ANTXR1: variants seen among roughly 807,000 people sequenced by gnomAD.
ANTXR1 encodes the protein anthrax toxin receptor 1.
Under a neutral mutation model 78.1 loss-of-function variants are expected in ANTXR1, and 19 were observed. The observed-to-expected ratio is 0.24, with a 90% CI of 0.17 to 0.36. The LOEUF (loss-of-function observed/expected upper bound fraction) is 0.36, where lower values mean the gene tolerates loss of function less well. ANTXR1 is among the 10% of genes least tolerant of loss of function. The pLI, the probability that ANTXR1 is intolerant of heterozygous loss-of-function variation, is 1.00. For synonymous variants in ANTXR1, 273 were observed against 260.5 expected (o/e 1.05, Z -0.46); for missense variants, 518 against 718.6 (o/e 0.72, Z 3.19).
At chr2:69,172,589 G>C (rs1674019532) in intron 14 of ANTXR1, 1 of 1,245,356 alleles carries the variant, frequency 8.0e-7, no homozygotes, top group Admixed American at 3.8e-5. Context: ...AAGACCTTCA[G>C]TATTATTTAT....
chr2:69,235,134 C>T (rs957608765), intron 17 of ANTXR1, among the ~76,000 whole-genome samples: 2 of 151,072 alleles, frequency 1.3e-5, no homozygotes, highest in Admixed American at 1.3e-4. Context: ...AGCGATTCTC[C>T]TGCCTCAGCC....
In ANTXR1 at chr2:69,143,504, A is replaced by G. The variant is rs138948766; in HGVS notation, c.952-8665A>G. Among the ~76,000 whole-genome samples, 230 of 152,310 alleles carry G rather than the reference A, an allele frequency of 1.5e-3. 1 individual carries two copies. The highest frequency in any genetic ancestry group is 5.1e-3 in the African/African-American group (214 of 41,572). Reference sequence around the variant, plus strand: ...TCAATAGGACCTACTGGACAATTGAATGGTCCTGAATACAACCCTGAAGAA... The same window carrying G: ...TCAATAGGACCTACTGGACAATTGAGTGGTCCTGAATACAACCCTGAAGAA... On this transcript the variant is annotated intron_variant, in intron 12 of 17. Coordinates refer to ENST00000303714, the MANE Select transcript of ANTXR1 (RefSeq NM_032208.3).
chr2:69,167,365 G>T (rs1215098416), intron 13 of ANTXR1, among the ~76,000 whole-genome samples: 2 of 152,238 alleles, frequency 1.3e-5, no homozygotes, highest in African/African-American at 4.8e-5. Context: ...GAGCAATGCA[G>T]GCTTTTGCCC....
intron 12 of ANTXR1, among the ~76,000 whole-genome samples, chr2:69,127,903 C>G (rs1176660465): frequency 6.6e-6 from 1 of 152,080 alleles, no homozygotes; most frequent in Non-Finnish European, 1.5e-5. Flanking sequence ...ATCAGTTTTG[C>G]TGTGTACTGG....
intron 13 of ANTXR1, among the ~76,000 whole-genome samples, chr2:69,164,264 G>T (rs575961731): frequency 6.6e-6 from 1 of 152,154 alleles, no homozygotes; most frequent in Admixed American, 6.5e-5. Context: ...TTCCCATGAC[G>T]CAATGCATCC....
At chr2:69,022,246 C>T (rs576243268) in intron 1 of ANTXR1, among the ~76,000 whole-genome samples, 3 of 152,280 alleles carry the variant, frequency 2.0e-5, no homozygotes, top group Non-Finnish European at 4.4e-5. Context: ...TATCTGGGCT[C>T]CTACTAGTGC....
At chr2:69,110,611 C>T (rs1050703349) in intron 10 of ANTXR1, among the ~76,000 whole-genome samples, 1 of 152,068 alleles carries the variant, frequency 6.6e-6, no homozygotes, top group African/African-American at 2.4e-5. Context: ...GTAATCCCAG[C>T]ACTTTGGGAG....
intron 3 of ANTXR1, among the ~76,000 whole-genome samples, chr2:69,069,321 G>A (rs1039415674): frequency 6.6e-5 from 10 of 152,200 alleles, no homozygotes; most frequent in African/African-American, 2.4e-4. Context: ...AGGTAAGAGT[G>A]GCCTTGGGTA....
At chr2:69,040,343 A>G (rs1472438206) in intron 2 of ANTXR1, among the ~76,000 whole-genome samples, 1 of 152,240 alleles carries the variant, frequency 6.6e-6, no homozygotes, top group Non-Finnish European at 1.5e-5. Flanking sequence ...TACGAGACCA[A>G]AAATATTTAG....
chr2:69,202,946 T>A (rs1674810672), intron 17 of ANTXR1, among the ~76,000 whole-genome samples: 3 of 152,248 alleles, frequency 2.0e-5, no homozygotes, highest in African/African-American at 7.2e-5. Context: ...TTCAGAGAAT[T>A]TTAATTACCT....
chr2:69,227,256 C>G (rs1171470911), intron 17 of ANTXR1, among the ~76,000 whole-genome samples: 1 of 152,160 alleles, frequency 6.6e-6, no homozygotes, highest in Non-Finnish European at 1.5e-5. Flanking sequence ...ATCTGAGAGG[C>G]ACTCTGGCAG....
At chr2:69,060,354 C>T (rs1029275595) in intron 3 of ANTXR1, among the ~76,000 whole-genome samples, 3 of 152,108 alleles carry the variant, frequency 2.0e-5, no homozygotes, top group Non-Finnish European at 2.9e-5. Context: ...ATTTCCATCC[C>T]GAGTCTGTCT....
At position 69,037,220 on chromosome 2, in the gene ANTXR1, G is replaced by T. The variant is rs149138016; in HGVS notation, c.153-2824G>T. 2.0e-3 allele frequency among the ~76,000 whole-genome samples: 299 copies of T among 152,332 alleles called. 15 individuals are homozygous for T. The East Asian group carries it at 0.046, about 24-fold the overall frequency. ...AGGCAGAATAGTTGAGGTTCAGTTGGCAAAAGATCAGGAAGCTTCCATGAG... is the reference window on the plus strand; with the variant it reads ...AGGCAGAATAGTTGAGGTTCAGTTGTCAAAAGATCAGGAAGCTTCCATGAG... On this transcript the variant is annotated intron_variant, in intron 1 of 17. Coordinates refer to ENST00000303714, the MANE Select transcript of ANTXR1 (RefSeq NM_032208.3).
At chr2:69,192,296 T>A (rs948402974) in intron 16 of ANTXR1, among the ~76,000 whole-genome samples, 11 of 152,224 alleles carry the variant, frequency 7.2e-5, no homozygotes, top group African/African-American at 2.7e-4. Flanking sequence ...TTGGCAGAGC[T>A]GTTTTCCTTT....
intron 8 of ANTXR1, among the ~76,000 whole-genome samples, chr2:69,084,558 G>A (rs972271549): frequency 1.3e-5 from 2 of 150,378 alleles, no homozygotes; most frequent in African/African-American, 2.4e-5. Context: ...CCAGAAATAC[G>A]TGTGTATAAT....
chr2:69,129,533 C>G (rs1014408898), intron 12 of ANTXR1, among the ~76,000 whole-genome samples: 1 of 152,078 alleles, frequency 6.6e-6, no homozygotes, highest in African/African-American at 2.4e-5. Flanking sequence ...GCGGGCAGTT[C>G]ACAAGGTCAA....
chr2:69,164,819 G>A (rs1673782826), intron 13 of ANTXR1, among the ~76,000 whole-genome samples: 1 of 152,248 alleles, frequency 6.6e-6, no homozygotes, highest in Non-Finnish European at 1.5e-5. Context: ...ACGGGAGGCA[G>A]TGGAGAGCCC....
intron 17 of ANTXR1, among the ~76,000 whole-genome samples, chr2:69,231,906 G>C (rs2104522110): frequency 6.6e-6 from 1 of 152,218 alleles, no homozygotes; most frequent in African/African-American, 2.4e-5. Context: ...CAAGGGAGTA[G>C]AGGCATAGAC....
chr2:69,113,341 A>C (rs1424996573), intron 10 of ANTXR1, among the ~76,000 whole-genome samples: 1 of 152,144 alleles, frequency 6.6e-6, no homozygotes, highest in Non-Finnish European at 1.5e-5. Context: ...GATGGAAGAG[A>C]AGGTGATTAA....
Sources: allele counts gnomAD v4.1 joint callset (sites outside exome capture counted in the v4.1 genomes callset), GRCh38; gene constraint gnomAD v4.1.1; transcripts MANE v1.5; gene names NCBI Gene and HGNC (gene_info 2026-07-23, HGNC 2026-07-21).